Variants in PDK1 observed in about 807,000 individuals in gnomAD.
PDK1 encodes pyruvate dehydrogenase kinase 1.
A neutral mutation model predicts 54.2 loss-of-function variants in PDK1; 39 were observed. The observed-to-expected ratio is 0.72, with a 90% CI of 0.56 to 0.94. The LOEUF is 0.94. Among genes scored for constraint, PDK1 ranks in the 40% least tolerant of loss-of-function variants. PDK1 has a pLI of 0.00. For synonymous variants in PDK1, 221 were observed against 207.1 expected (o/e 1.07, Z -0.58); for missense variants, 552 against 566.0 (o/e 0.98, Z 0.25).
the PDK1 span, among the ~76,000 whole-genome samples, chr2:172,653,926 G>GA: frequency 6.6e-6 from 1 of 151,898 alleles, no homozygotes; most frequent in African/African-American, 2.4e-5. Context: ...AAATTTACAA[G>GA]AAAAAAACAA....
chr2:172,564,297 G>A (rs1469263555), intron 3 of PDK1, among the ~76,000 whole-genome samples: 1 of 152,162 alleles, frequency 6.6e-6, no homozygotes, highest in Admixed American at 6.5e-5. Flanking sequence ...AATCTTGAAA[G>A]TTTTATTTTG....
chr2:172,713,548 C>T, the PDK1 span, among the ~76,000 whole-genome samples: 2 of 152,210 alleles, frequency 1.3e-5, no homozygotes, highest in African/African-American at 2.4e-5. Flanking sequence ...AGGGGGCTGG[C>T]GTGTCAGCAC....
the PDK1 span, among the ~76,000 whole-genome samples, chr2:172,664,873 T>C: frequency 2.0e-5 from 3 of 152,232 alleles, no homozygotes; most frequent in Non-Finnish European, 4.4e-5. Context: ...TCAGTTGATA[T>C]AATCGAAATT....
the PDK1 span, chr2:172,674,927 C>T: frequency 6.6e-6 from 1 of 152,288 alleles, no homozygotes; most frequent in East Asian, 1.9e-4. Context: ...ATTTTTCCAA[C>T]AGCATGTGCT....
intron 8 of PDK1, among the ~76,000 whole-genome samples, chr2:172,577,320 C>T (rs1689634015): frequency 6.6e-6 from 1 of 152,032 alleles, no homozygotes; most frequent in Non-Finnish European, 1.5e-5. Context: ...GTTTAAACCT[C>T]TTTGTGCCTT....
intron 10 of PDK1, among the ~76,000 whole-genome samples, chr2:172,594,901 A>T (rs1690805869): frequency 6.6e-6 from 1 of 152,190 alleles, no homozygotes; most frequent in African/African-American, 2.4e-5. Flanking sequence ...TGGTAATAAT[A>T]TATGGAAAAC....
intron 9 of PDK1, among the ~76,000 whole-genome samples, chr2:172,589,710 G>C (rs145336284): frequency 2.5e-4 from 38 of 152,304 alleles, no homozygotes; most frequent in South Asian, 1.2e-3. Context: ...GCCTGGGTTT[G>C]TGAATAGCAC....
Position 172,602,041 on chromosome 2 carries a change from A to G in PDK1, c.*6072A>G, listed in dbSNP as rs1211253187. 6.6e-6 allele frequency: 1 copy of G among 152,234 alleles called. No homozygotes were observed. Among genetic ancestry groups the G allele is most frequent in the Non-Finnish European group, 1.5e-5 (1 of 68,040 alleles). The allele number at this position is 152,234 out of a possible 1,614,324, so 9.4% of individuals were successfully genotyped here. On this transcript the variant is annotated 3_prime_UTR_variant, in exon 11 of 11. Transcript: ENST00000282077. ...TCAGTAATCACAAGTCCACCTCGCCAAAAGACAATTTTTGAAAGATGAATG... is the reference window on the plus strand; with the variant it reads ...TCAGTAATCACAAGTCCACCTCGCCGAAAGACAATTTTTGAAAGATGAATG...
At chr2:172,652,968 T>C in the PDK1 span, among the ~76,000 whole-genome samples, 1 of 152,148 alleles carries the variant, frequency 6.6e-6, no homozygotes, top group Non-Finnish European at 1.5e-5. Context: ...TGGAAAAAAC[T>C]ACTTTAAAGT....
the PDK1 span, among the ~76,000 whole-genome samples, chr2:172,650,922 T>C: frequency 3.2e-4 from 48 of 152,242 alleles, no homozygotes; most frequent in South Asian, 6.6e-3. Context: ...GACAGATCAA[T>C]GAGACAGAAA....
chr2:172,570,863 T>TC lies in PDK1; in HGVS notation c.945+39_945+40insC. On this transcript the variant is annotated intron_variant, in intron 8 of 10. Coordinates refer to ENST00000282077, the MANE Select transcript of PDK1 (RefSeq NM_002610.5). ...ATGGTTTGTTTTCTTTTTTTTTTTT[T>TC]TGTAATTGATGAACAGACATGCAAA... 6.1e-6 allele frequency: 7 copies of TC among 1,149,338 alleles called. No homozygotes were observed. In the South Asian group the frequency reaches 9.3e-5, roughly 15 times the overall value. 71.2% of individuals were successfully genotyped at this position (1,149,338 alleles called of 1,614,324 possible). A position where few individuals can be genotyped will look rare whatever the true frequency, so the allele number is the denominator to read the frequency against.
the PDK1 span, among the ~76,000 whole-genome samples, chr2:172,717,218 C>T: frequency 2.0e-5 from 3 of 152,248 alleles, no homozygotes; most frequent in East Asian, 5.8e-4. Flanking sequence ...TTGTGAGAGA[C>T]CCATGTATGG....
At position 172,601,433 on chromosome 2, in the gene PDK1, G is replaced by A. The variant is rs1265229838; in HGVS notation, c.*5464G>A. Reference sequence around the variant, plus strand: ...CAACATGTTAAGGGAGAGACCAGATGAAAGTAATTGGATCATGGGGTTGGT... The same window carrying A: ...CAACATGTTAAGGGAGAGACCAGATAAAAGTAATTGGATCATGGGGTTGGT... On this transcript the variant is annotated 3_prime_UTR_variant, in exon 11 of 11. Coordinates refer to ENST00000282077, the MANE Select transcript of PDK1 (RefSeq NM_002610.5). 3 of 152,254 alleles carry A rather than the reference G, an allele frequency of 2.0e-5. No individual in the cohort carries two copies. Among genetic ancestry groups the A allele is most frequent in the African/African-American group, 7.2e-5 (3 of 41,562 alleles). The allele number at this position is 152,254 out of a possible 1,614,324, so 9.4% of individuals were successfully genotyped here. A position where few individuals can be genotyped will look rare whatever the true frequency, so the allele number is the denominator to read the frequency against.
chr2:172,664,311 C>CAAAAAAAAAAAAAAAAAA, the PDK1 span, among the ~76,000 whole-genome samples: 25 of 44,182 alleles, frequency 5.7e-4, 4 homozygotes, highest in East Asian at 6.3e-3. Flanking sequence ...AACTCTGCCT[C>CAAAAAAAAAAAAAAAAAA]AAAAAAAAAA....
At chr2:172,718,683 G>A in the PDK1 span, among the ~76,000 whole-genome samples, 1 of 152,142 alleles carries the variant, frequency 6.6e-6, no homozygotes, top group African/African-American at 2.4e-5. Context: ...TCATGGGGAA[G>A]GCCCTAGGAA....
At chr2:172,621,831 A>G in the PDK1 span, among the ~76,000 whole-genome samples, 1 of 123,322 alleles carries the variant, frequency 8.1e-6, no homozygotes, top group Admixed American at 8.8e-5. Flanking sequence ...ATATATGTTT[A>G]TATCTCATAT....
At chr2:172,700,232 G>A in the PDK1 span, among the ~76,000 whole-genome samples, 1 of 151,890 alleles carries the variant, frequency 6.6e-6, no homozygotes, top group Non-Finnish European at 1.5e-5. Context: ...CGACAAAACC[G>A]CCATCGTCAT....
At chr2:172,662,064 T>C in the PDK1 span, among the ~76,000 whole-genome samples, 2 of 152,248 alleles carry the variant, frequency 1.3e-5, no homozygotes, top group Non-Finnish European at 2.9e-5. Context: ...AAGAGAATAT[T>C]CTAGTTTTCA....
intron 6 of PDK1, among the ~76,000 whole-genome samples, chr2:172,567,280 A>G (rs915827279): frequency 6.6e-6 from 1 of 152,124 alleles, no homozygotes; most frequent in Non-Finnish European, 1.5e-5. Context: ...CCCTTTTTCT[A>G]CTTCCTGAGT....
Sources: allele counts gnomAD v4.1 joint callset (sites outside exome capture counted in the v4.1 genomes callset), GRCh38; gene constraint gnomAD v4.1.1; transcripts MANE v1.5; gene names NCBI Gene and HGNC (gene_info 2026-07-23, HGNC 2026-07-21).